Variants in HIP1 observed in about 807,000 individuals in gnomAD.
The protein encoded by HIP1 is huntingtin-interacting protein 1.
Under a neutral mutation model 147.6 loss-of-function variants are expected in HIP1, and 65 were observed. That is an observed-to-expected ratio of 0.44 (90% CI 0.36 to 0.54). The LOEUF is 0.54. Among genes scored for constraint, HIP1 ranks in the 20% least tolerant of loss-of-function variants. HIP1 has a pLI of 0.00. For missense variants in HIP1, 1,061 were observed against 1,299.6 expected (o/e 0.82, Z 2.82); for synonymous variants, 479 against 504.0 (o/e 0.95, Z 0.67).
chr7:75,680,429 C>T (rs1800026008), intron 1 of HIP1, among the ~76,000 whole-genome samples: 1 of 152,092 alleles, frequency 6.6e-6, no homozygotes, highest in Non-Finnish European at 1.5e-5. Context: ...CCTCCAATCC[C>T]TGCCAACCCA....
intron 25 of HIP1, among the ~76,000 whole-genome samples, chr7:75,546,594 G>GAA (rs1794573258): frequency 6.6e-6 from 1 of 152,214 alleles, no homozygotes; most frequent in Admixed American, 6.5e-5. Context: ...AACTCCCTGT[G>GAA]AAAAGCCAGT....
At chr7:75,540,857 C>G (rs1013427879) in intron 29 of HIP1, among the ~76,000 whole-genome samples, 3 of 152,138 alleles carry the variant, frequency 2.0e-5, no homozygotes, top group Non-Finnish European at 4.4e-5. Context: ...GCAAATAATT[C>G]ATACCAGAAG....
At chr7:75,725,523 A>G (rs1215828168) in intron 1 of HIP1, among the ~76,000 whole-genome samples, 4 of 152,120 alleles carry the variant, frequency 2.6e-5, no homozygotes, top group African/African-American at 9.7e-5. Context: ...CTGGTCTTTT[A>G]TGAGAATCAC....
In HIP1 at chr7:75,592,360, C is replaced by T; in HGVS notation, c.327+12G>A. 6.3e-7 allele frequency: 1 copy of T among 1,599,866 alleles called. No homozygotes were observed. Among genetic ancestry groups the T allele is most frequent in the Non-Finnish European group, 8.5e-7 (1 of 1,174,086 alleles). On this transcript the variant is annotated intron_variant, in intron 3 of 30. Coordinates refer to ENST00000336926, the MANE Select transcript of HIP1 (RefSeq NM_005338.7). ...CCTGGCTCCCTGCCACCCCATAGCC[C>T]CAGGAACTCACGTTCGGGTGTCCAT...
At chr7:75,643,717 T>A (rs1798718306) in intron 1 of HIP1, among the ~76,000 whole-genome samples, 1 of 152,074 alleles carries the variant, frequency 6.6e-6, no homozygotes, top group Admixed American at 6.6e-5. Flanking sequence ...TAATAGGGTA[T>A]GGCTGGGCGC....
chr7:75,738,831 C>A lies in HIP1; in HGVS notation c.90G>T (p.Ala30=). The change falls in exon 1 of 31, where the codon GCG becomes GCT. Residue 30 remains alanine, a synonymous_variant. Coordinates refer to ENST00000336926, the MANE Select transcript of HIP1 (RefSeq NM_005338.7). The part of the protein sequence containing the change: ...SRRGVGAGLE[A]AERESFERTQ... The stretch of plus-strand genomic sequence containing the variant: ...TCCGCTCGAAGCTCTCGCGCTCCGC[C>A]GCCTCCAGCCCAGCGCCGACCCCGC... 6.3e-7 allele frequency: 1 copy of A among 1,598,482 alleles called. No individual in the cohort carries two copies. Among genetic ancestry groups the A allele is most frequent in the South Asian group, 1.1e-5 (1 of 88,604 alleles).
chr7:75,559,712 CG>C lies in HIP1; in HGVS notation c.1375+19del. On this transcript the variant is annotated intron_variant, in intron 14 of 30. Coordinates refer to ENST00000336926, the MANE Select transcript of HIP1 (RefSeq NM_005338.7). ...CGCGCCTGCCCCCGGGGCCCGCCCCCGCCCCCACCCACCGCTCACTTTCTAT... is the reference window on the plus strand; with the variant it reads ...CGCGCCTGCCCCCGGGGCCCGCCCCCCCCCCACCCACCGCTCACTTTCTAT... 7.5e-7 allele frequency: 1 copy of C among 1,336,404 alleles called. No homozygotes were observed. Among genetic ancestry groups the C allele is most frequent in the Non-Finnish European group, 1.0e-6 (1 of 993,160 alleles). The allele number at this position is 1,336,404 out of a possible 1,614,324, so 82.8% of individuals were successfully genotyped here.
intron 19 of HIP1, 108 bp from the exon 20 acceptor site, chr7:75,554,634 C>A: frequency 1.4e-6 from 1 of 739,692 alleles, no homozygotes; most frequent in East Asian, 2.5e-5. Context: ...AAGCTTCCTG[C>A]CTAGACGTGA....
At chr7:75,735,965 G>A (rs1182148330) in intron 1 of HIP1, among the ~76,000 whole-genome samples, 8 of 151,860 alleles carry the variant, frequency 5.3e-5, no homozygotes, top group Admixed American at 3.3e-4. Flanking sequence ...GGGTGCAGTG[G>A]CTCACACCTG....
In HIP1 at chr7:75,599,641, G is replaced by C. The variant is rs587648046; in HGVS notation, c.121-394C>G. 2.0e-5 allele frequency among the ~76,000 whole-genome samples: 3 copies of C among 152,262 alleles called. No homozygotes were observed. In the East Asian group the frequency reaches 5.8e-4, roughly 29 times the overall value. ...ATCAGGGAGCGACCGTGGCCCAAGA[G>C]CATCCAGCTGCCCCTCTCTCCCCTC... On this transcript the variant is annotated intron_variant, in intron 1 of 30. Transcript: ENST00000336926.
At chr7:75,558,059 T>G in intron 15 of HIP1, 108 bp downstream of exon 15, 2 of 862,118 alleles carry the variant, frequency 2.3e-6, no homozygotes, top group South Asian at 1.4e-5. Flanking sequence ...GGCAATGCCT[T>G]AGAGATCAAT....
At chr7:75,596,215 G>T in intron 2 of HIP1, among the ~76,000 whole-genome samples, 2 of 121,552 alleles carry the variant, frequency 1.6e-5, no homozygotes, top group Non-Finnish European at 1.6e-5. Context: ...CAGCCTGGGT[G>T]ACAGTGCATG....
intron 5 of HIP1, among the ~76,000 whole-genome samples, chr7:75,583,574 G>GCTCTCTCTTGTTT (rs1470651112): frequency 6.6e-6 from 1 of 151,900 alleles, no homozygotes; most frequent in Non-Finnish European, 1.5e-5. Context: ...GGGGAAACCA[G>GCTCTCTCTTGTTT]CTCTCTCTTG....
chr7:75,574,648 A>C (rs1554497355), intron 7 of HIP1, among the ~76,000 whole-genome samples: 1 of 151,222 alleles, frequency 6.6e-6, no homozygotes, highest in Non-Finnish European at 1.5e-5. Context: ...GACTTGTTGG[A>C]GAGCCCAAGA....
chr7:75,595,274 TCC>T (rs1180375181), intron 2 of HIP1, among the ~76,000 whole-genome samples: 14 of 79,008 alleles, frequency 1.8e-4, no homozygotes, highest in African/African-American at 1.2e-3. Flanking sequence ...CTTCCTTCCT[TCC>T]TTCCTTCCTT....
chr7:75,603,624 G>C (rs1207689776), intron 1 of HIP1, among the ~76,000 whole-genome samples: 1 of 152,134 alleles, frequency 6.6e-6, no homozygotes, highest in Non-Finnish European at 1.5e-5. Flanking sequence ...TCTCTGGCCA[G>C]CACTTTGGGA....
At chr7:75,646,953 T>C (rs1271603495) in intron 1 of HIP1, among the ~76,000 whole-genome samples, 1 of 151,992 alleles carries the variant, frequency 6.6e-6, no homozygotes, top group Admixed American at 6.6e-5. Flanking sequence ...CCCAGGAGCA[T>C]AGCCCACTAC....
intron 1 of HIP1, among the ~76,000 whole-genome samples, chr7:75,628,589 G>A (rs1042650677): frequency 2.0e-5 from 3 of 149,038 alleles, no homozygotes; most frequent in Admixed American, 6.8e-5. Flanking sequence ...AGTGATTCTC[G>A]TGCCTCAGCC....
chr7:75,704,600 C>G (rs1242661828), intron 1 of HIP1, among the ~76,000 whole-genome samples: 1 of 150,590 alleles, frequency 6.6e-6, no homozygotes, highest in Non-Finnish European at 1.5e-5. Flanking sequence ...TTGTTTGAGA[C>G]GGAGTCTCAC....
Sources: allele counts gnomAD v4.1 joint callset (sites outside exome capture counted in the v4.1 genomes callset), GRCh38; gene constraint gnomAD v4.1.1; transcripts MANE v1.5; gene names NCBI Gene and HGNC (gene_info 2026-07-23, HGNC 2026-07-21).